Variants in HIVEP3 observed in about 807,000 individuals in gnomAD.
HIVEP3 encodes the protein HIVEP zinc finger 3.
Under a neutral mutation model 152.8 loss-of-function variants are expected in HIVEP3, and 49 were observed. The ratio of observed to expected loss-of-function variants is 0.32; its 90% CI spans 0.26 to 0.41. The LOEUF is 0.41. HIVEP3 is among the 10% of genes least tolerant of loss of function. The probability of loss-of-function intolerance (pLI) is 1.00; values close to 1 mark genes in which losing one functional copy is unlikely to be tolerated. For synonymous variants in HIVEP3, 1,269 were observed against 1,289.0 expected (o/e 0.98, Z 0.33); for missense variants, 2,790 against 3,103.3 (o/e 0.90, Z 2.40).
At chr1:41,768,353 G>A (rs1042163225) in intron 1 of HIVEP3, among the ~76,000 whole-genome samples, 3 of 152,202 alleles carry the variant, frequency 2.0e-5, no homozygotes, top group African/African-American at 7.2e-5. Flanking sequence ...AAGAGCAGGA[G>A]AAAGACCTGA....
chr1:41,570,198 G>A (rs762879494), intron 5 of HIVEP3, among the ~76,000 whole-genome samples: 13 of 152,204 alleles, frequency 8.5e-5, no homozygotes, highest in African/African-American at 2.9e-4. Context: ...GAGATCAGGC[G>A]ATGATGGGAC....
At chr1:41,958,604 C>A (rs1645152875) in intron 1 of HIVEP3, among the ~76,000 whole-genome samples, 1 of 152,218 alleles carries the variant, frequency 6.6e-6, no homozygotes, top group Admixed American at 6.5e-5. Flanking sequence ...ATGTCACTCA[C>A]CACTGTTGCA....
chr1:42,016,099 G>A (rs1439647581), intron 1 of HIVEP3, among the ~76,000 whole-genome samples: 2 of 152,216 alleles, frequency 1.3e-5, no homozygotes, highest in African/African-American at 4.8e-5. Flanking sequence ...TTAAGATGGA[G>A]GAGGCAAGCA....
chr1:41,691,166 TAA>T (rs1646192335), intron 2 of HIVEP3, among the ~76,000 whole-genome samples: 1 of 152,214 alleles, frequency 6.6e-6, no homozygotes, highest in Non-Finnish European at 1.5e-5. Context: ...AAGCAATACA[TAA>T]AAGTGTTAAC....
intron 3 of HIVEP3, among the ~76,000 whole-genome samples, chr1:41,624,934 G>C (rs1383273175): frequency 6.6e-6 from 1 of 152,124 alleles, no homozygotes. Context: ...GGGAGGCCGA[G>C]GTGGATGGAT....
chr1:41,629,551 C>A (rs1199298581), intron 2 of HIVEP3, among the ~76,000 whole-genome samples: 2 of 152,136 alleles, frequency 1.3e-5, no homozygotes, highest in Non-Finnish European at 2.9e-5. Context: ...TATTCAGAAT[C>A]TATAAGGAAC....
At chr1:41,654,392 T>G (rs912678171) in intron 2 of HIVEP3, among the ~76,000 whole-genome samples, 3 of 152,218 alleles carry the variant, frequency 2.0e-5, no homozygotes, top group Admixed American at 2.0e-4. Flanking sequence ...TTAATGACTC[T>G]TTATGGCTTT....
chr1:41,569,780 C>A (rs146548949), intron 5 of HIVEP3, among the ~76,000 whole-genome samples: 64 of 152,276 alleles, frequency 4.2e-4, no homozygotes, highest in African/African-American at 1.4e-3. Flanking sequence ...GTCACAAAAA[C>A]GTGCTGCGTA....
chr1:41,904,946 G>A (rs1030936049), intron 1 of HIVEP3, among the ~76,000 whole-genome samples: 2 of 152,196 alleles, frequency 1.3e-5, no homozygotes, highest in Admixed American at 6.5e-5. Flanking sequence ...TGTGATGAAG[G>A]CTGCCCTGAC....
rs904987680 is a variant in HIVEP3, at chr1:41,513,214, G to T, written c.6007C>A (p.Pro2003Thr). Residue 2003 changes from proline (P) to threonine (T), a missense_variant, in exon 8 of 9, where the codon CCA (proline) becomes ACA (threonine). Coordinates refer to ENST00000372583, the MANE Select transcript of HIVEP3 (RefSeq NM_024503.5). ...GGTGGGCTTGGGGCTGAGGCCTGTG[G>T]TTCTCGGGCCGGGGAGCATCGCTGG... ...SPQRCSPARE[P>T]QASAPSPPGL... is the part of the protein sequence containing the mutation. The T allele has an allele frequency of 2.5e-6, 4 of 1,613,794 alleles. No individual in the cohort carries two copies. The highest frequency in any genetic ancestry group is 3.3e-5 in the Admixed American group (2 of 60,034).
At chr1:41,531,142 T>TGGAGGACAGGAGAGAAG in intron 5 of HIVEP3, among the ~76,000 whole-genome samples, 1 of 123,588 alleles carries the variant, frequency 8.1e-6, no homozygotes. Context: ...ACAGGAGAGA[T>TGGAGGACAGGAGAGAAG]GGAGGACAGG....
At chr1:41,917,256 T>C (rs1168357160) in intron 1 of HIVEP3, among the ~76,000 whole-genome samples, 1 of 152,088 alleles carries the variant, frequency 6.6e-6, no homozygotes, top group Non-Finnish European at 1.5e-5. Context: ...AACACTGCCA[T>C]GCAGATCAGT....
intron 1 of HIVEP3, among the ~76,000 whole-genome samples, chr1:41,753,389 G>T (rs966812796): frequency 1.3e-5 from 2 of 152,202 alleles, no homozygotes; most frequent in African/African-American, 4.8e-5. Flanking sequence ...GGCCGGGCAC[G>T]GTGGCTCACG....
intron 2 of HIVEP3, among the ~76,000 whole-genome samples, chr1:41,650,102 C>T (rs1040821330): frequency 6.6e-6 from 1 of 152,092 alleles, no homozygotes; most frequent in Non-Finnish European, 1.5e-5. Flanking sequence ...CAGCCCCACA[C>T]TGCAAGGTGG....
chr1:41,700,031 C>G (rs112555323), intron 2 of HIVEP3, among the ~76,000 whole-genome samples: 1 of 152,106 alleles, frequency 6.6e-6, no homozygotes, highest in Non-Finnish European at 1.5e-5. Context: ...ATTTTTCACC[C>G]GGTGAACTTC....
intron 1 of HIVEP3, among the ~76,000 whole-genome samples, chr1:42,032,554 G>C (rs1046076852): frequency 1.1e-4 from 16 of 152,058 alleles, no homozygotes; most frequent in Admixed American, 7.2e-4. Context: ...TACAGCTTTG[G>C]GGGCTATGCG....
At chr1:41,951,271 A>G (rs1276509228) in intron 1 of HIVEP3, among the ~76,000 whole-genome samples, 1 of 152,250 alleles carries the variant, frequency 6.6e-6, no homozygotes, top group Non-Finnish European at 1.5e-5. Flanking sequence ...TCATGGTGAT[A>G]GAGTTCATAA....
At chr1:41,978,398 G>A (rs1645273022) in intron 1 of HIVEP3, among the ~76,000 whole-genome samples, 1 of 152,170 alleles carries the variant, frequency 6.6e-6, no homozygotes, top group South Asian at 2.1e-4. Context: ...ATAAGGGTGG[G>A]TCCAGTACAC....
intron 6 of HIVEP3, among the ~76,000 whole-genome samples, chr1:41,519,011 G>C (rs2149049610): frequency 6.6e-6 from 1 of 152,242 alleles, no homozygotes; most frequent in African/African-American, 2.4e-5. Context: ...GAATTCTAAA[G>C]TGTAGGTAGA....
Sources: allele counts gnomAD v4.1 joint callset (sites outside exome capture counted in the v4.1 genomes callset), GRCh38; gene constraint gnomAD v4.1.1; transcripts MANE v1.5; gene names NCBI Gene and HGNC (gene_info 2026-07-23, HGNC 2026-07-21).